COL24A1: variants seen among roughly 807,000 people sequenced by gnomAD.
COL24A1 encodes collagen type XXIV alpha 1 chain.
COL24A1 carries 224 observed loss-of-function variants against 253.9 expected under a neutral mutation model. That is an observed-to-expected ratio of 0.88 (90% CI 0.79 to 0.99). The LOEUF is 0.99. Ranked by LOEUF, COL24A1 falls within the 50% of genes least tolerant of loss-of-function variation. The pLI, the probability that COL24A1 is intolerant of heterozygous loss-of-function variation, is 0.00. For synonymous variants in COL24A1, 685 were observed against 673.7 expected, an observed-to-expected ratio of 1.02 and a Z score of -0.26; for missense variants, 2,131 against 2,068.5, an observed-to-expected ratio of 1.03 and a Z score of -0.59.
At chr1:86,108,620 T>TAAAAAAAAAAAAAAAA (rs55852463) in intron 5 of COL24A1, among the ~76,000 whole-genome samples, 11 of 83,096 alleles carry the variant, frequency 1.3e-4, no homozygotes, top group African/African-American at 5.7e-4. Context: ...CCATCTCTAC[T>TAAAAAAAAAAAAAAAA]AAAAAAAAAA....
At chr1:86,090,820 C>A (rs577402910) in intron 6 of COL24A1, among the ~76,000 whole-genome samples, 1 of 151,980 alleles carries the variant, frequency 6.6e-6, no homozygotes, top group African/African-American at 2.4e-5. Flanking sequence ...GTTTTAACCA[C>A]AGTTAGTATA....
intron 53 of COL24A1, among the ~76,000 whole-genome samples, chr1:85,765,853 T>G (rs555248878): frequency 2.2e-4 from 33 of 152,352 alleles, no homozygotes; most frequent in African/African-American, 7.7e-4. Context: ...TGTATCCCAT[T>G]ATTTCCAGCA....
rs778632245 is a variant in COL24A1, at chr1:85,734,734, G to A, written c.4998+15C>T. Reference sequence around the variant, plus strand: ...TTAGTTATATTGAACAATTCTAAAAGTGCCATTTCCTTACCTTGCAGTCAT... The same window carrying A: ...TTAGTTATATTGAACAATTCTAAAAATGCCATTTCCTTACCTTGCAGTCAT... On this transcript the variant is annotated intron_variant, in intron 59 of 59. Transcript: ENST00000370571. The A allele has an allele frequency of 6.2e-7, 1 of 1,601,790 alleles. No individual in the cohort carries two copies. The highest frequency in any genetic ancestry group is 1.1e-5 in the South Asian group (1 of 90,788).
At chr1:86,129,279 G>A (rs1044577213) in intron 2 of COL24A1, among the ~76,000 whole-genome samples, 3 of 151,174 alleles carry the variant, frequency 2.0e-5, no homozygotes, top group Non-Finnish European at 4.4e-5. Flanking sequence ...CTATGTCTGT[G>A]GCCCTCTGTC....
intron 20 of COL24A1, among the ~76,000 whole-genome samples, chr1:85,979,643 G>A (rs1571454497): frequency 6.7e-6 from 1 of 150,008 alleles, no homozygotes; most frequent in South Asian, 2.1e-4. Context: ...GGAAGAAACA[G>A]AAACTCTGAA....
chr1:85,784,758 T>A (rs1167531379), intron 48 of COL24A1, among the ~76,000 whole-genome samples: 1 of 152,050 alleles, frequency 6.6e-6, no homozygotes, highest in Non-Finnish European at 1.5e-5. Context: ...AGAGATGGGG[T>A]CTTGCTCTGT....
At chr1:85,813,869 CT>C (rs1428059319) in intron 47 of COL24A1, among the ~76,000 whole-genome samples, 1 of 152,064 alleles carries the variant, frequency 6.6e-6, no homozygotes, top group Non-Finnish European at 1.5e-5. Flanking sequence ...GTCTTTGAAT[CT>C]TGAAAAAGTG....
chr1:85,923,639 C>G (rs572639405), intron 24 of COL24A1, among the ~76,000 whole-genome samples: 2 of 152,130 alleles, frequency 1.3e-5, no homozygotes, highest in Non-Finnish European at 2.9e-5. Context: ...AAAGACACAA[C>G]GTACCGGAAT....
At chr1:85,840,586 G>A (rs313700) in intron 42 of COL24A1, among the ~76,000 whole-genome samples, 123,213 of 151,934 alleles carry the variant, frequency 0.81, 50,335 homozygotes, top group South Asian at 0.87. Flanking sequence ...TATTTCTATG[G>A]ACTAAAAATT....
intron 12 of COL24A1, among the ~76,000 whole-genome samples, chr1:86,039,954 C>A (rs1571703816): frequency 6.6e-6 from 1 of 152,160 alleles, no homozygotes; most frequent in Admixed American, 6.6e-5. Context: ...GAGACTAATT[C>A]TAAACTTCAT....
intron 57 of COL24A1, among the ~76,000 whole-genome samples, chr1:85,742,198 T>A (rs901216216): frequency 6.6e-6 from 1 of 150,552 alleles, no homozygotes; most frequent in South Asian, 2.1e-4. Flanking sequence ...GGCGGTGTGA[T>A]CTCAGCTCAC....
intron 22 of COL24A1, among the ~76,000 whole-genome samples, chr1:85,967,358 A>C (rs1433369844): frequency 6.6e-6 from 1 of 152,218 alleles, no homozygotes; most frequent in Non-Finnish European, 1.5e-5. Context: ...GAATGTAATC[A>C]AAGGAATAAT....
Position 85,745,439 on chromosome 1 carries a change from AC to A in COL24A1, c.4503+1del. 3 of 1,601,440 alleles carry A rather than the reference AC, an allele frequency of 1.9e-6. No homozygotes were observed. The South Asian group carries it at 3.4e-5, about 18-fold the overall frequency. On this transcript the variant is annotated splice_donor_variant, in intron 56 of 59. Coordinates refer to ENST00000370571, the MANE Select transcript of COL24A1 (RefSeq NM_152890.7). LOFTEE classifies it high-confidence loss of function. ...CAATATAAATAAAACCAGATATGTT[AC>A]CTCCATCTGTAGGGCAGTATTTGAT...
chr1:86,072,757 G>A (rs1701963013), intron 7 of COL24A1, among the ~76,000 whole-genome samples: 1 of 152,136 alleles, frequency 6.6e-6, no homozygotes, highest in African/African-American at 2.4e-5. Context: ...TCTAGTGGGT[G>A]CCCCTCTGGG....
At chr1:85,957,359 T>TAATA (rs1460408272) in intron 24 of COL24A1, among the ~76,000 whole-genome samples, 7 of 151,990 alleles carry the variant, frequency 4.6e-5, no homozygotes, top group East Asian at 3.9e-4. Context: ...AAGTATAATT[T>TAATA]AATAAATAAA....
chr1:86,088,515 CA>C (rs143947910), intron 7 of COL24A1, among the ~76,000 whole-genome samples: 8,502 of 152,082 alleles, frequency 0.056, 264 homozygotes, highest in East Asian at 0.095. Context: ...TCTGTTAATC[CA>C]GGAAACTAAA....
At chr1:85,830,258 C>G (rs1675031229) in intron 43 of COL24A1, among the ~76,000 whole-genome samples, 1 of 152,108 alleles carries the variant, frequency 6.6e-6, no homozygotes, top group Admixed American at 6.6e-5. Flanking sequence ...CAGGGACCCA[C>G]TTGAGGAGGC....
chr1:85,908,473 A>G, intron 27 of COL24A1, 125 bp downstream of exon 27: 2 of 521,408 alleles, frequency 3.8e-6, no homozygotes, highest in Non-Finnish European at 6.9e-6. Context: ...TTGGGAGAGA[A>G]GCAGTCTCCA....
intron 43 of COL24A1, among the ~76,000 whole-genome samples, chr1:85,830,580 T>C (rs1388111468): frequency 6.6e-6 from 1 of 152,132 alleles, no homozygotes; most frequent in East Asian, 1.9e-4. Flanking sequence ...CGAGACTCCG[T>C]GGGCATAGGA....
Sources: gnomAD v4.1 joint callset for allele counts (sites outside exome capture counted in the v4.1 genomes callset) on GRCh38, gnomAD v4.1.1 for gene constraint, MANE v1.5 for transcripts, NCBI Gene and HGNC (gene_info 2026-07-23, HGNC 2026-07-21) for gene names.